FRMD1: variants seen among roughly 807,000 people sequenced by gnomAD.
The protein encoded by FRMD1 is FERM domain-containing protein 1.
Under a neutral mutation model 54.9 loss-of-function variants are expected in FRMD1, and 51 were observed. The observed-to-expected ratio is 0.93, with a 90% confidence interval of 0.74 to 1.17. The LOEUF (loss-of-function observed/expected upper bound fraction) is 1.17. Among genes scored for constraint, FRMD1 ranks in the 50% most tolerant of loss-of-function variants. The pLI, the probability that FRMD1 is intolerant of heterozygous loss-of-function variation, is 0.00. For synonymous variants in FRMD1, 324 were observed against 306.4 expected (o/e 1.06, Z -0.60); for missense variants, 729 against 743.0 (o/e 0.98, Z 0.22).
intron 1 of FRMD1, among the ~76,000 whole-genome samples, chr6:168,091,621 C>T (rs1214126016): frequency 3.3e-5 from 5 of 152,224 alleles, no homozygotes; most frequent in East Asian, 1.9e-4. Context: ...CTGCATTTGG[C>T]GGGGCCCCAG....
rs199768307 is a variant in FRMD1, at chr6:168,079,058, C to T, written c.37G>A (p.Ala13Thr). ...GGGAACGTGTCAGGGTTTGTCCGGG[C>T]GGGGTCTATGCCCCTCCCTCTCGGG... Reference protein sequence around the residue: ...VPPRGRGIDPARTNPDTFPPS... With the variant: ...VPPRGRGIDPTRTNPDTFPPS... Residue 13 changes from alanine to threonine, a missense_variant, in exon 1 of 11, where the codon GCC (alanine) becomes ACC (threonine). By Grantham distance (58) the Ala-to-Thr change is moderately conservative. Coordinates refer to ENST00000283309, the MANE Select transcript of FRMD1 (RefSeq NM_024919.6). 199 of 1,609,632 alleles carry T rather than the reference C, an allele frequency of 1.2e-4. 1 individual carries two copies. Among genetic ancestry groups the T allele is most frequent in the Middle Eastern group, 1.6e-4 (1 of 6,078 alleles).
intron 1 of FRMD1, among the ~76,000 whole-genome samples, chr6:168,091,900 TCA>T (rs386708687): frequency 1.3e-5 from 2 of 151,742 alleles, no homozygotes; most frequent in African/African-American, 2.4e-5. Flanking sequence ...GGATCAGGTG[TCA>T]CTAGGAAGAA....
intron 2 of FRMD1, among the ~76,000 whole-genome samples, chr6:168,073,074 C>T (rs1258059472): frequency 6.6e-6 from 1 of 152,190 alleles, no homozygotes; most frequent in Non-Finnish European, 1.5e-5. Context: ...ATTAACTGGG[C>T]TAGAACTTCC....
chr6:168,078,269 C>T (rs1282454850), intron 1 of FRMD1, among the ~76,000 whole-genome samples: 2 of 152,126 alleles, frequency 1.3e-5, no homozygotes, highest in Admixed American at 6.5e-5. Context: ...GAGATGGTGA[C>T]GTCTGAACAC....
chr6:168,065,914 C>G, intron 4 of FRMD1: 2 of 1,000,302 alleles, frequency 2.0e-6, no homozygotes, highest in Non-Finnish European at 2.4e-6. Flanking sequence ...AAGCTCTGTT[C>G]TGGAAGTAAG....
upstream of FRMD1, among the ~76,000 whole-genome samples, chr6:168,080,277 C>T (rs1800790945): frequency 6.6e-6 from 1 of 152,086 alleles, no homozygotes; most frequent in African/African-American, 2.4e-5. Context: ...TGGCTCCCTC[C>T]CTCCCTCCCT....
chr6:168,067,038 A>G (rs1800068163), intron 3 of FRMD1: 1 of 766,288 alleles, frequency 1.3e-6, no homozygotes, highest in Non-Finnish European at 2.2e-6. Flanking sequence ...GTTCAAGAAC[A>G]TCTGCAAAGG....
At chr6:168,080,207 G>A (rs977185529), upstream of FRMD1, among the ~76,000 whole-genome samples, 24 of 152,100 alleles carry the variant, frequency 1.6e-4, no homozygotes, top group Non-Finnish European at 2.8e-4. Flanking sequence ...GGCCCGGCCC[G>A]GTGGGTTGAG....
At chr6:168,090,399 C>T (rs2115033804) in intron 1 of FRMD1, among the ~76,000 whole-genome samples, 1 of 152,280 alleles carries the variant, frequency 6.6e-6, no homozygotes, top group South Asian at 2.1e-4. Flanking sequence ...ACCGTCTGCT[C>T]CCACTAAGGG....
Position 168,056,119 on chromosome 6 carries a change from A to C in FRMD1, c.*978T>G, listed in dbSNP as rs1303499166. 1 of 152,398 alleles carries C rather than the reference A, an allele frequency of 6.6e-6. No homozygotes were observed. The highest frequency in any genetic ancestry group is 6.5e-5 in the Admixed American group (1 of 15,294). 9.4% of individuals were successfully genotyped at this position (152,398 alleles called of 1,614,324 possible). A position where few individuals can be genotyped will look rare whatever the true frequency, so the allele number is the denominator to read the frequency against. The stretch of plus-strand genomic sequence containing the variant: ...GCACGGGCCATTCCTCTAAATGCAG[A>C]GGACAGCAGGTTTGCACGTGTGCAG... On this transcript the variant is annotated 3_prime_UTR_variant, in exon 11 of 11. Transcript: ENST00000283309.
chr6:168,087,482 C>T (rs755167529), intron 1 of FRMD1, among the ~76,000 whole-genome samples: 2 of 152,222 alleles, frequency 1.3e-5, no homozygotes, highest in African/African-American at 4.8e-5. Flanking sequence ...GTCAGTCAAC[C>T]CAGGTGCACA....
At chr6:168,073,776 CCT>C (rs1301860646) in intron 2 of FRMD1, among the ~76,000 whole-genome samples, 2 of 152,104 alleles carry the variant, frequency 1.3e-5, no homozygotes, top group African/African-American at 2.4e-5. Context: ...CTTCACAGCC[CCT>C]GACAAGGCGC....
Position 168,061,908 on chromosome 6 carries a change from C to A in FRMD1, c.944G>T (p.Trp315Leu). Reference protein sequence around the residue: ...QKLVYYTGCTWRSRHLLHLLR... With the variant: ...QKLVYYTGCTLRSRHLLHLLR... Reference sequence around the variant, plus strand: ...CAGGTGCAGCAGGTGCCTGGACCGCCAGGTGCACCCCGTGTAGTAAACCAG... The same window carrying A: ...CAGGTGCAGCAGGTGCCTGGACCGCAAGGTGCACCCCGTGTAGTAAACCAG... The change falls in exon 8 of 11, where the codon TGG (tryptophan) becomes TTG (leucine). Residue 315 changes from tryptophan to leucine, a missense_variant. Coordinates refer to ENST00000283309, the MANE Select transcript of FRMD1 (RefSeq NM_024919.6). 1 of 1,598,202 alleles carries A rather than the reference C, an allele frequency of 6.3e-7. No individual in the cohort carries two copies. Among genetic ancestry groups the A allele is most frequent in the South Asian group, 1.1e-5 (1 of 88,254 alleles).
At chr6:168,080,459 A>C (rs944376141), upstream of FRMD1, among the ~76,000 whole-genome samples, 93 of 149,178 alleles carry the variant, frequency 6.2e-4, no homozygotes, top group South Asian at 2.3e-3. Flanking sequence ...AAAAACCACA[A>C]AAAAAAACAG....
In FRMD1 at chr6:168,059,091, G is replaced by A; in HGVS notation, c.1407+33C>T. 6.6e-7 allele frequency: 1 copy of A among 1,523,368 alleles called. No individual in the cohort carries two copies. Among genetic ancestry groups the A allele is most frequent in the Non-Finnish European group, 8.9e-7 (1 of 1,128,388 alleles). 94.4% of individuals were successfully genotyped at this position (1,523,368 alleles called of 1,614,324 possible). On this transcript the variant is annotated intron_variant, in intron 10 of 10. Transcript: ENST00000283309. The surrounding 1 kb of genome is among the most constrained non-coding windows in gnomAD (Gnocchi z 4.4). ...TAGGAGAAGGGGGTGGAGGAGCAGG[G>A]CCAGGGCTTCTGGCCCGTGGGGGGG... is the stretch of plus-strand genomic sequence containing the variant.
chr6:168,063,234 G>A (rs1038369915), intron 6 of FRMD1, among the ~76,000 whole-genome samples: 2 of 151,738 alleles, frequency 1.3e-5, no homozygotes, highest in Non-Finnish European at 2.9e-5. Context: ...ACTCAGCCAC[G>A]GGGGCTCCAT....
intron 1 of FRMD1, among the ~76,000 whole-genome samples, chr6:168,076,937 C>T (rs923527821): frequency 1.3e-5 from 2 of 151,952 alleles, no homozygotes; most frequent in African/African-American, 2.4e-5. Context: ...CAGATACACA[C>T]GAGTATACAC....
At chr6:168,073,844 C>A (rs1800427668) in intron 2 of FRMD1, among the ~76,000 whole-genome samples, 1 of 152,100 alleles carries the variant, frequency 6.6e-6, no homozygotes, top group Non-Finnish European at 1.5e-5. Flanking sequence ...GGGTCCCCGG[C>A]TCACTCACTC....
chr6:168,066,484 G>A, intron 4 of FRMD1: 1 of 1,102,410 alleles, frequency 9.1e-7, no homozygotes, highest in Non-Finnish European at 1.1e-6. Context: ...GGCGACAAGA[G>A]TGAAACTCCG....
Sources: allele counts gnomAD v4.1 joint callset (sites outside exome capture counted in the v4.1 genomes callset), GRCh38; gene constraint gnomAD v4.1.1; non-coding constraint Gnocchi (gnomAD v3.1); transcripts MANE v1.5; gene names NCBI Gene and HGNC (gene_info 2026-07-23, HGNC 2026-07-21).